Variants in PTPRA observed in about 807,000 individuals in gnomAD.
PTPRA encodes protein tyrosine phosphatase receptor type A.
A neutral mutation model predicts 104.8 loss-of-function variants in PTPRA; 25 were observed. The ratio of observed to expected loss-of-function variants is 0.24; its 90% CI spans 0.17 to 0.33. The LOEUF (loss-of-function observed/expected upper bound fraction) is 0.33. PTPRA is among the 10% of genes least tolerant of loss of function. PTPRA has a pLI of 1.00. For missense variants in PTPRA, 765 were observed against 1,015.3 expected (o/e 0.75, Z 3.35); for synonymous variants, 323 against 368.9 (o/e 0.88, Z 1.43).
chr20:2,872,303 C>T (rs1300121550), upstream of PTPRA, among the ~76,000 whole-genome samples: 1 of 152,218 alleles, frequency 6.6e-6, no homozygotes, highest in Non-Finnish European at 1.5e-5. This position sits in a 1 kb window ranked among gnomAD's most constrained non-coding sequence, Gnocchi z 7.9. Context: ...ACAACCCTTC[C>T]CCGGGGGCGC....
At position 2,975,208 on chromosome 20, in the gene PTPRA, T is replaced by G; in HGVS notation, c.416-7T>G. The G allele has an allele frequency of 1.3e-6, 2 of 1,588,900 alleles. No homozygotes were observed. The highest frequency in any genetic ancestry group is 1.7e-6 in the Non-Finnish European group (2 of 1,159,272). On this transcript the variant is annotated splice_polypyrimidine_tract_variant and splice_region_variant and intron_variant, in intron 5 of 23. Transcript: ENST00000399903. ...ATGAATGTTTCTATTTTTTACTTAT[T>G]ACACAGGTAATTCTGACTCGAAGGA...
At chr20:2,885,940 T>C (rs1333423538) in intron 1 of PTPRA, among the ~76,000 whole-genome samples, 1 of 152,184 alleles carries the variant, frequency 6.6e-6, no homozygotes, top group South Asian at 2.1e-4. Context: ...GGCACGCACC[T>C]ATAATCCCAG....
intron 20 of PTPRA, among the ~76,000 whole-genome samples, chr20:3,028,931 A>C (rs1484877030): frequency 6.6e-6 from 1 of 152,168 alleles, no homozygotes; most frequent in Non-Finnish European, 1.5e-5. Flanking sequence ...GAAAGGGTGA[A>C]GTGAGGAGGA....
rs6084234 is a variant in PTPRA at position 3,022,844 on chromosome 20, G to A, written c.1464+20G>A. ...ACCGATGTGAGTGATCTGTGGGTCA[G>A]GTGAGGGTGGGGGGTTCCAGGACTA... On this transcript the variant is annotated intron_variant, in intron 16 of 23. Transcript: ENST00000399903. The surrounding 1 kb of genome is among the most constrained non-coding windows in gnomAD (Gnocchi z 4.6). 1 of 1,613,992 alleles carries A rather than the reference G, an allele frequency of 6.2e-7. No individual in the cohort carries two copies. The highest frequency in any genetic ancestry group is 1.3e-5 in the African/African-American group (1 of 74,924).
intron 10 of PTPRA, among the ~76,000 whole-genome samples, chr20:3,006,234 G>C (rs1264629444): frequency 2.0e-5 from 3 of 152,130 alleles, no homozygotes; most frequent in Non-Finnish European, 4.4e-5. Flanking sequence ...GGCCACCCAA[G>C]CTGGGGTGCA....
intron 2 of PTPRA, among the ~76,000 whole-genome samples, chr20:2,924,968 C>T (rs1024156914): frequency 2.0e-5 from 3 of 152,152 alleles, no homozygotes; most frequent in Admixed American, 1.3e-4. Flanking sequence ...CATGAGCCAC[C>T]GCGCCCGGCC....
At chr20:2,865,957 T>C in the PTPRA span, 1 of 530,728 alleles carries the variant, frequency 1.9e-6, no homozygotes, top group Admixed American at 3.2e-5. The surrounding 1 kb of genome is among the most constrained non-coding windows in gnomAD (Gnocchi z 5.2). Context: ...CAAGGGGTAA[T>C]GGTGGGTGGT....
chr20:2,865,876 G>A, the PTPRA span: 183 of 467,710 alleles, frequency 3.9e-4, 1 homozygote, highest in South Asian at 4.1e-3. The surrounding 1 kb of genome is among the most constrained non-coding windows in gnomAD (Gnocchi z 5.2). Flanking sequence ...GAGGTGTATA[G>A]GGCAGGTTTG....
chr20:2,989,842 C>G (rs1035400303), intron 9 of PTPRA, among the ~76,000 whole-genome samples: 8 of 152,116 alleles, frequency 5.3e-5, no homozygotes, highest in Middle Eastern at 3.4e-3. Flanking sequence ...ACAGTGAAAC[C>G]CTGTCTCTAC....
intron 1 of PTPRA, among the ~76,000 whole-genome samples, chr20:2,898,334 C>A (rs2059099318): frequency 6.6e-6 from 1 of 151,762 alleles, no homozygotes; most frequent in African/African-American, 2.4e-5. Context: ...CCCACCTCGG[C>A]CTCCCAAAGT....
intron 6 of PTPRA, among the ~76,000 whole-genome samples, chr20:2,983,783 A>G (rs1054838867): frequency 2.0e-5 from 3 of 152,002 alleles, no homozygotes; most frequent in Non-Finnish European, 4.4e-5. Context: ...TTGCCTATGA[A>G]ATTTAAAGTG....
At chr20:2,952,690 A>G (rs2061394311) in intron 3 of PTPRA, among the ~76,000 whole-genome samples, 1 of 152,132 alleles carries the variant, frequency 6.6e-6, no homozygotes, top group Non-Finnish European at 1.5e-5. Context: ...CCCTGACTGA[A>G]ATTCTGTACC....
upstream of PTPRA, among the ~76,000 whole-genome samples, chr20:2,869,200 C>G (rs1421071137): frequency 6.6e-6 from 1 of 152,214 alleles, no homozygotes; most frequent in African/African-American, 2.4e-5. Flanking sequence ...ATCTGTTCAT[C>G]TATCCATTCC....
At chr20:2,945,889 A>G (rs927331793) in intron 2 of PTPRA, among the ~76,000 whole-genome samples, 3 of 151,928 alleles carry the variant, frequency 2.0e-5, no homozygotes, top group Admixed American at 6.6e-5. Context: ...AGATTGTGCC[A>G]CTGTAATCCA....
intron 5 of PTPRA, among the ~76,000 whole-genome samples, chr20:2,972,791 C>T (rs1016447370): frequency 6.6e-6 from 1 of 151,980 alleles, no homozygotes. Flanking sequence ...GATCTCGGCT[C>T]ATTGCGGCCT....
chr20:2,957,227 C>T (rs1284541536), intron 3 of PTPRA, among the ~76,000 whole-genome samples: 1 of 152,110 alleles, frequency 6.6e-6, no homozygotes, highest in Non-Finnish European at 1.5e-5. Flanking sequence ...GGAGCTTGCA[C>T]TGAGCCGAGA....
chr20:3,018,171 G>A (rs2148397520), intron 13 of PTPRA, among the ~76,000 whole-genome samples: 1 of 152,284 alleles, frequency 6.6e-6, no homozygotes, highest in East Asian at 1.9e-4. Flanking sequence ...GACTGACTTG[G>A]GCCATCAGCT....
chr20:2,987,401 G>A (rs2062953672), intron 7 of PTPRA, among the ~76,000 whole-genome samples: 1 of 151,870 alleles, frequency 6.6e-6, no homozygotes, highest in African/African-American at 2.4e-5. Flanking sequence ...AAGCAAGGAA[G>A]GGGAACCCAA....
At chr20:3,018,904 C>T (rs1403396341) in intron 13 of PTPRA, among the ~76,000 whole-genome samples, 6 of 118,546 alleles carry the variant, frequency 5.1e-5, no homozygotes, top group South Asian at 3.3e-4. Context: ...GGCAGAGGGG[C>T]TCCTCACTTC....
Sources: allele counts gnomAD v4.1 joint callset (sites outside exome capture counted in the v4.1 genomes callset), GRCh38; gene constraint gnomAD v4.1.1; non-coding constraint Gnocchi (gnomAD v3.1); transcripts MANE v1.5; gene names NCBI Gene and HGNC (gene_info 2026-07-23, HGNC 2026-07-21).